The following BLVRB variants were observed in gnomAD, a reference collection of about 807,000 sequenced individuals.
BLVRB encodes flavin reductase (NADPH).
In BLVRB, 25 loss-of-function variants were observed where a neutral mutation model predicts 21.1. The ratio of observed to expected loss-of-function variants is 1.19; its 90% CI spans 0.86 to 1.66. BLVRB has a LOEUF of 1.66. Ranked by LOEUF, BLVRB falls within the 40% of genes most tolerant of loss-of-function variation. The pLI is 0.00. For synonymous variants in BLVRB, 128 were observed against 122.2 expected, an observed-to-expected ratio of 1.05 and a Z score of -0.31; for missense variants, 274 against 282.7, an observed-to-expected ratio of 0.97 and a Z score of 0.22.
Position 40,465,593 on chromosome 19 carries a change from C to T in BLVRB, c.79+17G>A, listed in dbSNP as rs370858786. 3 of 1,606,264 alleles carry T rather than the reference C, an allele frequency of 1.9e-6. No individual in the cohort carries two copies. The highest frequency in any genetic ancestry group is 2.2e-5 in the East Asian group (1 of 44,572). On this transcript the variant is annotated intron_variant, in intron 1 of 4. Transcript: ENST00000263368. Reference sequence around the variant, plus strand: ...CCCGTCTGTCCCGTGACATGCCCCGCCCGCCCCGGCTCATGCCTGCTTGCA... The same window carrying T: ...CCCGTCTGTCCCGTGACATGCCCCGTCCGCCCCGGCTCATGCCTGCTTGCA...
chr19:40,450,456 CTGACCT>C (rs1246666895), intron 4 of BLVRB: 1 of 148,996 alleles, frequency 6.7e-6, no homozygotes, highest in Non-Finnish European at 1.5e-5. Context: ...TCTCGATCTC[CTGACCT>C]TGTGATCTGC....
intron 4 of BLVRB, among the ~76,000 whole-genome samples, chr19:40,448,713 AC>A (rs907366738): frequency 5.3e-5 from 8 of 150,374 alleles, no homozygotes; most frequent in Admixed American, 1.3e-4. Context: ...ATGTACCATC[AC>A]CCAAACAGAG....
intron 3 of BLVRB, among the ~76,000 whole-genome samples, chr19:40,452,487 T>C (rs924950752): frequency 1.3e-5 from 2 of 151,878 alleles, no homozygotes; most frequent in Non-Finnish European, 2.9e-5. Flanking sequence ...TATTTTTTTT[T>C]TTTTTTGAGA....
At chr19:40,456,002 AATAG>A (rs931388610) in intron 3 of BLVRB, among the ~76,000 whole-genome samples, 2 of 151,966 alleles carry the variant, frequency 1.3e-5, no homozygotes, top group African/African-American at 4.8e-5. Context: ...TAAATAAATA[AATAG>A]ATAGATAGCT....
At chr19:40,448,620 T>C (rs892812221) in intron 4 of BLVRB, among the ~76,000 whole-genome samples, 7 of 47,634 alleles carry the variant, frequency 1.5e-4, no homozygotes, top group African/African-American at 2.6e-4. Context: ...TATATATATA[T>C]ATATATATAT....
intron 1 of BLVRB, among the ~76,000 whole-genome samples, chr19:40,462,261 T>TTA (rs2079790829): frequency 6.7e-6 from 1 of 149,912 alleles, no homozygotes; most frequent in African/African-American, 2.5e-5. Flanking sequence ...GGGGCTTGCA[T>TTA]GGGCCAATAT....
At chr19:40,463,572 TTCCC>T (rs891631391) in intron 1 of BLVRB, among the ~76,000 whole-genome samples, 41 of 117,198 alleles carry the variant, frequency 3.5e-4, no homozygotes, top group South Asian at 9.6e-4. Context: ...CCTTCTTTCC[TTCCC>T]TCCCTCCCTC....
At chr19:40,457,348 C>T (rs1455233063) in intron 3 of BLVRB, among the ~76,000 whole-genome samples, 1 of 152,148 alleles carries the variant, frequency 6.6e-6, no homozygotes, top group East Asian at 1.9e-4. Context: ...AATCATCAGG[C>T]AGCCCTCCCT....
chr19:40,460,992 AAAACAAAC>A (rs764444911), intron 1 of BLVRB, among the ~76,000 whole-genome samples: 6 of 149,164 alleles, frequency 4.0e-5, no homozygotes, highest in South Asian at 2.1e-4. Flanking sequence ...AAAACAAAAC[AAAACAAAC>A]AACAACAACA....
intron 3 of BLVRB, among the ~76,000 whole-genome samples, chr19:40,453,676 C>T (rs1277329496): frequency 6.6e-6 from 1 of 152,180 alleles, no homozygotes; most frequent in Non-Finnish European, 1.5e-5. Flanking sequence ...CTTGTTTCCT[C>T]ATGTGCAAAC....
chr19:40,458,540 C>G lies in BLVRB; in HGVS notation c.85G>C (p.Glu29Gln). The G allele has an allele frequency of 6.2e-7, 1 of 1,604,186 alleles. No homozygotes were observed. The highest frequency in any genetic ancestry group is 1.1e-5 in the South Asian group (1 of 89,626). Reference protein sequence around the residue: ...TLAQAVQAGYEVTVLVRDSSR... With the variant: ...TLAQAVQAGYQVTVLVRDSSR... Reference sequence around the variant, plus strand: ...GAGTCCCGCACCAGCACTGTCACTTCGTAACCTGTGGGCAAAGAGGAGCAG... The same window carrying G: ...GAGTCCCGCACCAGCACTGTCACTTGGTAACCTGTGGGCAAAGAGGAGCAG... The change falls in exon 2 of 5, where the codon GAA becomes CAA. Residue 29 changes from glutamate (E) to glutamine (Q), a missense_variant. Transcript: ENST00000263368.
chr19:40,449,408 G>T (rs1427387534), intron 4 of BLVRB, among the ~76,000 whole-genome samples: 1 of 151,914 alleles, frequency 6.6e-6, no homozygotes, highest in African/African-American at 2.4e-5. Context: ...ACCACACCTG[G>T]CTAATTTTTG....
In BLVRB at chr19:40,458,523, C is replaced by T; in HGVS notation, c.102G>A (p.Val34=). The change falls in exon 2 of 5, where the codon GTG becomes GTA. Residue 34 remains valine (V), a synonymous_variant. Transcript: ENST00000263368. ...CTGATGGCAGCCTGGAGGAGTCCCG[C>T]ACCAGCACTGTCACTTCGTAACCTG... ...VQAGYEVTVL[V]RDSSRLPSEG... is the part of the protein sequence containing the mutation. The T allele has an allele frequency of 6.2e-7, 1 of 1,610,688 alleles. No homozygotes were observed. Among genetic ancestry groups the T allele is most frequent in the Non-Finnish European group, 8.5e-7 (1 of 1,178,658 alleles).
intron 1 of BLVRB, among the ~76,000 whole-genome samples, chr19:40,459,963 T>A (rs995068608): frequency 2.0e-5 from 3 of 152,232 alleles, no homozygotes; most frequent in Admixed American, 6.5e-5. Flanking sequence ...AAACTGAGGT[T>A]CTGAGGGGGA....
chr19:40,448,091 C>CACG, intron 4 of BLVRB, 45 bp from the exon 5 acceptor site: 1 of 1,577,406 alleles, frequency 6.3e-7, no homozygotes, highest in South Asian at 1.1e-5. Flanking sequence ...AGACACCTTT[C>CACG]CCTTCCCCCA....
intron 1 of BLVRB, 142 bp downstream of exon 1, chr19:40,465,468 C>T: frequency 3.0e-6 from 3 of 986,840 alleles, no homozygotes; most frequent in South Asian, 1.5e-5. Flanking sequence ...GCCCCCGTGG[C>T]CACTTGCTTT....
Position 40,458,565 on chromosome 19 carries a change from G to C in BLVRB, c.80-20C>G, listed in dbSNP as rs771745372. On this transcript the variant is annotated intron_variant, in intron 1 of 4. Transcript: ENST00000263368. Reference sequence around the variant, plus strand: ...CGTAACCTGTGGGCAAAGAGGAGCAGAGAGCCTGGTCAGTGGGCTGGCACT... The same window carrying C: ...CGTAACCTGTGGGCAAAGAGGAGCACAGAGCCTGGTCAGTGGGCTGGCACT... 3 of 1,578,418 alleles carry C rather than the reference G, an allele frequency of 1.9e-6. No homozygotes were observed. Among genetic ancestry groups the C allele is most frequent in the East Asian group, 2.3e-5 (1 of 44,214 alleles).
intron 1 of BLVRB, among the ~76,000 whole-genome samples, chr19:40,461,148 G>T (rs1440426835): frequency 6.6e-6 from 1 of 152,038 alleles, no homozygotes; most frequent in African/African-American, 2.4e-5. Flanking sequence ...CTCCCAAAGT[G>T]CTGGGATTAC....
chr19:40,459,564 C>A (rs2079777902), intron 1 of BLVRB, among the ~76,000 whole-genome samples: 1 of 151,456 alleles, frequency 6.6e-6, no homozygotes, highest in African/African-American at 2.4e-5. Context: ...TGCCACCACA[C>A]CTGGCTATCA....
Sources: gnomAD v4.1 joint callset for allele counts (sites outside exome capture counted in the v4.1 genomes callset) on GRCh38, gnomAD v4.1.1 for gene constraint, MANE v1.5 for transcripts, NCBI Gene and HGNC (gene_info 2026-07-23, HGNC 2026-07-21) for gene names.